Variants in CLSTN2 observed in about 807,000 individuals in gnomAD.
The protein encoded by CLSTN2 is calsyntenin 2, also known as calsyntenin-2.
A neutral mutation model predicts 101.2 loss-of-function variants in CLSTN2; 48 were observed. The ratio of observed to expected loss-of-function variants is 0.47; its 90% CI spans 0.38 to 0.60. The LOEUF (loss-of-function observed/expected upper bound fraction) is 0.60. Ranked by LOEUF, CLSTN2 falls within the 20% of genes least tolerant of loss-of-function variation. CLSTN2 has a pLI of 0.00. For synonymous variants in CLSTN2, 481 were observed against 463.6 expected (o/e 1.04, Z -0.48); for missense variants, 1,160 against 1,238.2 (o/e 0.94, Z 0.95).
intron 2 of CLSTN2, among the ~76,000 whole-genome samples, chr3:140,256,980 C>G (rs2086609026): frequency 6.6e-6 from 1 of 152,116 alleles, no homozygotes; most frequent in Non-Finnish European, 1.5e-5. Context: ...CACAGGAGAG[C>G]AATGTGTGTA....
chr3:140,394,392 A>G (rs1488264924), intron 2 of CLSTN2, among the ~76,000 whole-genome samples: 4 of 152,208 alleles, frequency 2.6e-5, no homozygotes, highest in Non-Finnish European at 5.9e-5. Context: ...CTGAAATGCC[A>G]TTGTAAAGAA....
intron 2 of CLSTN2, among the ~76,000 whole-genome samples, chr3:140,381,199 G>A (rs1287225621): frequency 6.6e-6 from 1 of 152,174 alleles, no homozygotes; most frequent in Non-Finnish European, 1.5e-5. Flanking sequence ...ATCTCCCTGT[G>A]TGTTTTCACA....
chr3:140,419,955 C>T (rs1045952702), intron 4 of CLSTN2, among the ~76,000 whole-genome samples: 57 of 147,672 alleles, frequency 3.9e-4, no homozygotes, highest in African/African-American at 1.4e-3. Flanking sequence ...TACAGTGTTG[C>T]GATCTCTGCT....
intron 2 of CLSTN2, among the ~76,000 whole-genome samples, chr3:140,366,687 G>A (rs1022938912): frequency 1.3e-5 from 2 of 152,132 alleles, no homozygotes; most frequent in African/African-American, 4.8e-5. Context: ...CCTCTTCCAA[G>A]CAAGTGCCCA....
At chr3:140,013,243 T>C (rs1435366717) in intron 1 of CLSTN2, among the ~76,000 whole-genome samples, 1 of 152,218 alleles carries the variant, frequency 6.6e-6, no homozygotes, top group African/African-American at 2.4e-5. Flanking sequence ...CAGAGAGCCT[T>C]GTTGGGAATC....
chr3:139,977,724 G>A (rs1287348063), intron 1 of CLSTN2, among the ~76,000 whole-genome samples: 1 of 151,776 alleles, frequency 6.6e-6, no homozygotes, highest in East Asian at 1.9e-4. Flanking sequence ...GGGGCAGTGG[G>A]CAAAGCCCTG....
At chr3:140,125,129 T>C (rs1294140723) in intron 1 of CLSTN2, among the ~76,000 whole-genome samples, 1 of 152,026 alleles carries the variant, frequency 6.6e-6, no homozygotes, top group African/African-American at 2.4e-5. Flanking sequence ...AGCCCAACTT[T>C]AGTGGGTTGA....
chr3:140,102,470 C>T lies in CLSTN2; in HGVS notation c.110-73481C>T, dbSNP rs574447789. ...CAGGCCCTTGGAAAGCAGGGCAGGG[C>T]GGTAGATCATGAGACATATTGCAAA... On this transcript the variant is annotated intron_variant, in intron 1 of 16. Coordinates refer to ENST00000458420, the MANE Select transcript of CLSTN2 (RefSeq NM_022131.3). Among the ~76,000 whole-genome samples the T allele has an allele frequency of 3.5e-4, 53 of 152,012 alleles. 1 individual carries two copies. The highest frequency in any genetic ancestry group is 1.0e-3 in the African/African-American group (43 of 41,536).
chr3:140,543,257 G>T (rs919502500), intron 9 of CLSTN2, among the ~76,000 whole-genome samples: 1 of 152,084 alleles, frequency 6.6e-6, no homozygotes, highest in Non-Finnish European at 1.5e-5. Context: ...CACACCCTCC[G>T]CCTGCAGATC....
At chr3:140,555,383 G>A (rs1418423390) in intron 10 of CLSTN2, among the ~76,000 whole-genome samples, 3 of 152,126 alleles carry the variant, frequency 2.0e-5, no homozygotes, top group Non-Finnish European at 4.4e-5. Context: ...CCACGGGAGG[G>A]AAAGCAACTA....
intron 1 of CLSTN2, among the ~76,000 whole-genome samples, chr3:139,959,210 C>T (rs560590051): frequency 1.3e-5 from 2 of 152,272 alleles, no homozygotes; most frequent in Admixed American, 1.3e-4. Flanking sequence ...ACTATGTGGT[C>T]CCACTTCCTG....
At chr3:140,218,250 G>T (rs1031993782) in intron 2 of CLSTN2, among the ~76,000 whole-genome samples, 1 of 152,110 alleles carries the variant, frequency 6.6e-6, no homozygotes, top group East Asian at 1.9e-4. Flanking sequence ...AAACTCTCCC[G>T]AGCCACTGCA....
At chr3:140,150,695 C>A (rs931737119) in intron 1 of CLSTN2, among the ~76,000 whole-genome samples, 1 of 152,134 alleles carries the variant, frequency 6.6e-6, no homozygotes, top group Non-Finnish European at 1.5e-5. Context: ...TTGAGGCTGC[C>A]ATTGGGCTGT....
intron 2 of CLSTN2, among the ~76,000 whole-genome samples, chr3:140,232,157 G>C (rs2086376818): frequency 1.3e-5 from 2 of 152,152 alleles, no homozygotes; most frequent in Non-Finnish European, 2.9e-5. Context: ...AAGTACACAG[G>C]CTTCAAAGAA....
rs1576502452 is a variant in CLSTN2, at chr3:140,292,846, A to G, written c.233-110783A>G. 3.9e-5 allele frequency among the ~76,000 whole-genome samples: 6 copies of G among 152,342 alleles called. No individual in the cohort carries two copies. In the South Asian group the frequency reaches 1.2e-3, roughly 32 times the overall value. Reference sequence around the variant, plus strand: ...AACTTTCCAAATAGTTAATGACTAAATAAACCACAGCTTTCCACTTTGGAA... The same window carrying G: ...AACTTTCCAAATAGTTAATGACTAAGTAAACCACAGCTTTCCACTTTGGAA... On this transcript the variant is annotated intron_variant, in intron 2 of 16. Coordinates refer to ENST00000458420, the MANE Select transcript of CLSTN2 (RefSeq NM_022131.3).
chr3:140,006,368 A>G (rs532769708), intron 1 of CLSTN2, among the ~76,000 whole-genome samples: 2 of 152,360 alleles, frequency 1.3e-5, no homozygotes, highest in South Asian at 4.1e-4. Flanking sequence ...CCTGGGTTCT[A>G]AAACACCTAC....
At chr3:140,118,723 A>G (rs2009286724) in intron 1 of CLSTN2, among the ~76,000 whole-genome samples, 1 of 152,128 alleles carries the variant, frequency 6.6e-6, no homozygotes, top group Non-Finnish European at 1.5e-5. Context: ...TGAATTACAG[A>G]TACTGGAAAA....
chr3:140,517,756 G>T (rs73231252), intron 8 of CLSTN2, among the ~76,000 whole-genome samples: 15,415 of 152,138 alleles, frequency 0.1, 995 homozygotes, highest in Non-Finnish European at 0.15. Context: ...AGGATCTTTG[G>T]TTGTGGCTTT....
intron 1 of CLSTN2, among the ~76,000 whole-genome samples, chr3:140,104,909 C>T (rs188524998): frequency 4.6e-5 from 7 of 152,290 alleles, no homozygotes; most frequent in Admixed American, 2.6e-4. Flanking sequence ...GCTTCAGAGG[C>T]GGAGGTTGCA....
Sources: gnomAD v4.1 joint callset for allele counts (sites outside exome capture counted in the v4.1 genomes callset) on GRCh38, gnomAD v4.1.1 for gene constraint, MANE v1.5 for transcripts, NCBI Gene and HGNC (gene_info 2026-07-23, HGNC 2026-07-21) for gene names.